PRKAR2A: variants seen among roughly 807,000 people sequenced by gnomAD.
PRKAR2A encodes the protein cAMP-dependent protein kinase type II-alpha regulatory subunit.
In PRKAR2A, 29 loss-of-function variants were observed where a neutral mutation model predicts 51.9. The observed-to-expected ratio is 0.56, with a 90% CI of 0.42 to 0.76. The LOEUF (loss-of-function observed/expected upper bound fraction) is 0.76. Among genes scored for constraint, PRKAR2A ranks in the 30% least tolerant of loss-of-function variants. PRKAR2A has a pLI of 0.00. For synonymous variants in PRKAR2A, 178 were observed against 186.2 expected (o/e 0.96, Z 0.36); for missense variants, 445 against 512.1 (o/e 0.87, Z 1.26).
chr3:48,827,508 C>G (rs544947853), intron 1 of PRKAR2A, among the ~76,000 whole-genome samples: 2 of 152,292 alleles, frequency 1.3e-5, no homozygotes, highest in East Asian at 3.8e-4. Context: ...TTTCATCATT[C>G]TGCAAACATT....
chr3:48,825,379 C>T (rs1401305328), intron 1 of PRKAR2A, among the ~76,000 whole-genome samples: 2 of 152,152 alleles, frequency 1.3e-5, no homozygotes, highest in African/African-American at 2.4e-5. Context: ...TTCACAGACA[C>T]GATCCACATG....
chr3:48,804,378 T>C (rs963313195), intron 2 of PRKAR2A, among the ~76,000 whole-genome samples: 1 of 151,950 alleles, frequency 6.6e-6, no homozygotes, highest in Non-Finnish European at 1.5e-5. Context: ...GGAGGATCAC[T>C]GGAGCCTAGG....
intron 1 of PRKAR2A, among the ~76,000 whole-genome samples, chr3:48,813,365 T>C (rs2082811145): frequency 6.6e-6 from 1 of 152,030 alleles, no homozygotes; most frequent in Non-Finnish European, 1.5e-5. Context: ...ATCAAGCCAC[T>C]GCATTACAGC....
At chr3:48,794,853 G>A (rs182129355) in intron 2 of PRKAR2A, among the ~76,000 whole-genome samples, 1 of 152,210 alleles carries the variant, frequency 6.6e-6, no homozygotes, top group African/African-American at 2.4e-5. Context: ...TACTTTTACT[G>A]GTTAATTTTT....
chr3:48,829,223 T>C (rs2083124617), intron 1 of PRKAR2A, among the ~76,000 whole-genome samples: 1 of 151,140 alleles, frequency 6.6e-6, no homozygotes, highest in Non-Finnish European at 1.5e-5. Flanking sequence ...AAAACAGAAA[T>C]AAATGAAAAT....
intron 1 of PRKAR2A, among the ~76,000 whole-genome samples, chr3:48,824,249 A>G (rs1044388537): frequency 5.9e-5 from 9 of 151,936 alleles, no homozygotes; most frequent in African/African-American, 2.2e-4. Flanking sequence ...CTAAAAAAAT[A>G]TATACAAAAA....
At chr3:48,791,614 A>AAAAG (rs2082388511) in intron 3 of PRKAR2A, among the ~76,000 whole-genome samples, 1 of 139,898 alleles carries the variant, frequency 7.1e-6, no homozygotes, top group Non-Finnish European at 1.6e-5. Flanking sequence ...AAAAAAAAAA[A>AAAAG]AGCTGGGCAT....
chr3:48,749,805 G>A lies in PRKAR2A; in HGVS notation c.*1780C>T, dbSNP rs1379777946. On this transcript the variant is annotated 3_prime_UTR_variant, in exon 11 of 11. Transcript: ENST00000265563. ...AATGCCAATTTTTGAAAACAGATTT[G>A]ATCTTTAGGGTAAATGCCTGAGTCA... The A allele has an allele frequency of 6.6e-6, 1 of 152,000 alleles. No individual in the cohort carries two copies. 9.4% of individuals were successfully genotyped at this position (152,000 alleles called of 1,614,324 possible). A position where few individuals can be genotyped will look rare whatever the true frequency, so the allele number is the denominator to read the frequency against.
rs1341468844 is a variant in PRKAR2A at position 48,756,410 on chromosome 3, G to C, written c.908C>G (p.Ser303Cys). Reference protein sequence around the residue: ...EKADSFYIIESGEVSILIRSR... With the variant: ...EKADSFYIIECGEVSILIRSR... ...TCTAATCAAGATGCTCACTTCGCCA[G>C]ACTCTATGATGTAAAAGCTATCAGC... Residue 303 changes from serine (S) to cysteine (C), a missense_variant, in exon 9 of 11, where the codon TCT becomes TGT. Physicochemically the swap from Ser to Cys is moderately radical, Grantham distance 112. Transcript: ENST00000265563. 6.2e-7 allele frequency: 1 copy of C among 1,613,868 alleles called. No individual in the cohort carries two copies. The highest frequency in any genetic ancestry group is 1.7e-5 in the Admixed American group (1 of 59,996).
intron 1 of PRKAR2A, among the ~76,000 whole-genome samples, chr3:48,830,043 C>T: frequency 7.0e-6 from 1 of 142,576 alleles, no homozygotes; most frequent in East Asian, 2.0e-4. Flanking sequence ...ACCAAAAATA[C>T]AAAAAAAAAA....
chr3:48,780,635 A>G lies in PRKAR2A; in HGVS notation c.542+2351T>C, dbSNP rs1207888732. On this transcript the variant is annotated intron_variant, in intron 5 of 10. Transcript: ENST00000265563. Reference sequence around the variant, plus strand: ...AAAAAAAAAAAAAAAATTTCCTCTGAGTGTAATAATTTGTCACAGGTAGCA... The same window carrying G: ...AAAAAAAAAAAAAAAATTTCCTCTGGGTGTAATAATTTGTCACAGGTAGCA... Among the ~76,000 whole-genome samples, 3 of 150,794 alleles carry G rather than the reference A, an allele frequency of 2.0e-5. No individual in the cohort carries two copies. The Admixed American group carries it at 2.0e-4, about 10-fold the overall frequency.
intron 1 of PRKAR2A, among the ~76,000 whole-genome samples, chr3:48,838,955 G>C (rs2083331163): frequency 6.6e-6 from 1 of 151,604 alleles, no homozygotes; most frequent in Non-Finnish European, 1.5e-5. Flanking sequence ...CTGCACTCCA[G>C]CCTGGGCGAC....
At chr3:48,765,376 G>C (rs1210068975) in intron 6 of PRKAR2A, 27 bp from the exon 7 acceptor site, 1 of 1,495,320 alleles carries the variant, frequency 6.7e-7, no homozygotes, top group South Asian at 1.2e-5. Context: ...GAAAATTCTA[G>C]TAAATGCCTA....
intron 1 of PRKAR2A, among the ~76,000 whole-genome samples, chr3:48,832,302 AAAAAAAAAC>A (rs1559648571): frequency 2.0e-5 from 3 of 150,574 alleles, no homozygotes; most frequent in African/African-American, 7.3e-5. Flanking sequence ...ATCTCAAAAA[AAAAAAAAAC>A]AAAAAAAAAC....
At chr3:48,761,752 AC>A (rs1406635749) in intron 8 of PRKAR2A, among the ~76,000 whole-genome samples, 1 of 152,190 alleles carries the variant, frequency 6.6e-6, no homozygotes, top group Non-Finnish European at 1.5e-5. Context: ...AGCTGGGATT[AC>A]AGTTGTGCAC....
chr3:48,831,053 A>G (rs1575945895), intron 1 of PRKAR2A, among the ~76,000 whole-genome samples: 1 of 152,200 alleles, frequency 6.6e-6, no homozygotes. Context: ...AGCAGGCCAC[A>G]GACCAATACT....
At chr3:48,808,708 G>A (rs1339284931) in intron 1 of PRKAR2A, among the ~76,000 whole-genome samples, 1 of 110,362 alleles carries the variant, frequency 9.1e-6, no homozygotes, top group East Asian at 2.8e-4. Context: ...GTAGAGACAG[G>A]GTTTTGCCAC....
chr3:48,818,030 C>T (rs2082901270), intron 1 of PRKAR2A, among the ~76,000 whole-genome samples: 1 of 152,088 alleles, frequency 6.6e-6, no homozygotes, highest in African/African-American at 2.4e-5. Flanking sequence ...AATTGTTTTC[C>T]ATTCCCAAAT....
intron 8 of PRKAR2A, among the ~76,000 whole-genome samples, chr3:48,760,628 A>G (rs1391283372): frequency 6.7e-6 from 1 of 149,198 alleles, no homozygotes; most frequent in African/African-American, 2.5e-5. Context: ...GGGAGTTCAC[A>G]GACCAGCCTG....
Sources: gnomAD v4.1 joint callset for allele counts (sites outside exome capture counted in the v4.1 genomes callset) on GRCh38, gnomAD v4.1.1 for gene constraint, MANE v1.5 for transcripts, NCBI Gene and HGNC (gene_info 2026-07-23, HGNC 2026-07-21) for gene names.